RNF175: variants seen among roughly 807,000 people sequenced by gnomAD.
The protein encoded by RNF175 is ring finger protein 175.
In RNF175, 38 loss-of-function variants were observed where a neutral mutation model predicts 50.0. The observed-to-expected ratio is 0.76, with a 90% CI of 0.59 to 1.00. RNF175 has a LOEUF of 1.00. RNF175 is among the 50% of genes least tolerant of loss of function. The pLI is 0.00. For synonymous variants in RNF175, 155 were observed against 146.1 expected, an observed-to-expected ratio of 1.06 and a Z score of -0.44; for missense variants, 388 against 409.6, an observed-to-expected ratio of 0.95 and a Z score of 0.46.
intron 3 of RNF175, among the ~76,000 whole-genome samples, chr4:153,733,877 C>G (rs1282522767): frequency 7.2e-5 from 11 of 152,324 alleles, no homozygotes; most frequent in African/African-American, 2.4e-4. Context: ...ATTTTCCTCT[C>G]TTCCCCTCAA....
intron 3 of RNF175, among the ~76,000 whole-genome samples, chr4:153,729,339 G>A (rs192378680): frequency 6.6e-6 from 1 of 152,332 alleles, no homozygotes; most frequent in East Asian, 1.9e-4. Flanking sequence ...CTGGATCCTG[G>A]TTCAGTGGTA....
At position 153,748,708 on chromosome 4, in the gene RNF175, G is replaced by A. The variant is rs761510742; in HGVS notation, c.183C>T (p.Cys61=). The stretch of plus-strand genomic sequence containing the variant: ...GCACTATCTGGGCAATGACCAGAAC[G>A]CAGAGGAAGATCAAGATCATTTCCA... The part of the protein sequence containing the change: ...MHVEMILIFL[C]VLVIAQIVLV... The change falls in exon 3 of 9, where the codon TGC becomes TGT. Residue 61 remains cysteine, a synonymous_variant. Coordinates refer to ENST00000347063, the MANE Select transcript of RNF175 (RefSeq NM_173662.4). The A allele has an allele frequency of 6.2e-6, 10 of 1,608,492 alleles. No homozygotes were observed. Among genetic ancestry groups the A allele is most frequent in the Admixed American group, 5.1e-5 (3 of 59,352 alleles).
chr4:153,716,063 C>CAAAAAAAAAAAAAAAAA (rs35531787), intron 6 of RNF175, among the ~76,000 whole-genome samples: 2 of 94,190 alleles, frequency 2.1e-5, no homozygotes, highest in Non-Finnish European at 4.0e-5. Context: ...GACTCTGTCT[C>CAAAAAAAAAAAAAAAAA]AAAAAAAAAA....
intron 3 of RNF175, among the ~76,000 whole-genome samples, chr4:153,741,128 T>G (rs536876914): frequency 6.6e-6 from 1 of 152,338 alleles, no homozygotes; most frequent in South Asian, 2.1e-4. Context: ...CTTTTAGGCC[T>G]GTGTACCTGG....
At chr4:153,723,704 G>A (rs189351611) in intron 4 of RNF175, among the ~76,000 whole-genome samples, 4 of 152,052 alleles carry the variant, frequency 2.6e-5, no homozygotes, top group Non-Finnish European at 5.9e-5. Context: ...ATTTGTCTAC[G>A]TCCCTCATGT....
chr4:153,723,303 G>T, intron 5 of RNF175, 48 bp downstream of exon 5: 1 of 932,202 alleles, frequency 1.1e-6, no homozygotes, highest in Non-Finnish European at 1.7e-6. Flanking sequence ...AGGTGAGTGT[G>T]CCAAGCAAGT....
At chr4:153,728,724 A>G (rs1021225984) in intron 3 of RNF175, among the ~76,000 whole-genome samples, 2 of 152,130 alleles carry the variant, frequency 1.3e-5, no homozygotes, top group Non-Finnish European at 2.9e-5. Flanking sequence ...GCTTCCCTGC[A>G]CTCACTGAGG....
intron 3 of RNF175, among the ~76,000 whole-genome samples, chr4:153,742,719 A>T (rs1185454399): frequency 6.6e-6 from 1 of 152,092 alleles, no homozygotes; most frequent in East Asian, 1.9e-4. Flanking sequence ...GGGGATAAAA[A>T]ATAATTACCT....
intron 6 of RNF175, among the ~76,000 whole-genome samples, 183 bp from the exon 7 acceptor site, chr4:153,715,845 C>G (rs1357795670): frequency 6.6e-6 from 1 of 151,844 alleles, no homozygotes; most frequent in African/African-American, 2.4e-5. Flanking sequence ...AGGTGGATCA[C>G]AAGGTCAGGA....
chr4:153,735,748 T>A (rs1394368481), intron 3 of RNF175, among the ~76,000 whole-genome samples: 1 of 104,436 alleles, frequency 9.6e-6, no homozygotes, highest in Non-Finnish European at 2.6e-5. Context: ...AAGTATTTAT[T>A]TTTTTTGGTG....
Position 153,723,551 on chromosome 4 carries a change from C to T in RNF175, c.402-93G>A, listed in dbSNP as rs191521099. On this transcript the variant is annotated intron_variant, in intron 4 of 8. Transcript: ENST00000347063. Reference sequence around the variant, plus strand: ...ATATTATAAAATATTTTGTCTTTTTCAAAGACTTATAAATCAGTTTTTAGT... The same window carrying T: ...ATATTATAAAATATTTTGTCTTTTTTAAAGACTTATAAATCAGTTTTTAGT... 4.0e-4 allele frequency: 264 copies of T among 653,250 alleles called. 2 individuals are homozygous for T. The South Asian group carries it at 4.1e-3, about 10-fold the overall frequency. 40.5% of individuals were successfully genotyped at this position (653,250 alleles called of 1,614,324 possible).
intron 3 of RNF175, among the ~76,000 whole-genome samples, chr4:153,740,218 A>G (rs1739577521): frequency 6.6e-6 from 1 of 151,200 alleles, no homozygotes; most frequent in South Asian, 2.1e-4. Flanking sequence ...GTAAGTTTCC[A>G]CTTCTCTGAT....
At position 153,759,781 on chromosome 4, in the gene RNF175, G is replaced by T; in HGVS notation, c.66+16C>A. The T allele has an allele frequency of 6.8e-7, 1 of 1,464,842 alleles. No homozygotes were observed. Among genetic ancestry groups the T allele is most frequent in the Admixed American group, 2.4e-5 (1 of 42,410 alleles). 90.7% of individuals were successfully genotyped at this position (1,464,842 alleles called of 1,614,324 possible). A position where few individuals can be genotyped will look rare whatever the true frequency, so the allele number is the denominator to read the frequency against. On this transcript the variant is annotated intron_variant, in intron 1 of 8. Coordinates refer to ENST00000347063, the MANE Select transcript of RNF175 (RefSeq NM_173662.4). ...CCGGCCTGGCGTCCCCCACGCCCGC[G>T]CCCCCGCGCCAGTACCTGCTCCTGC...
At chr4:153,756,552 G>A (rs756678362) in intron 1 of RNF175, among the ~76,000 whole-genome samples, 1 of 152,066 alleles carries the variant, frequency 6.6e-6, no homozygotes, top group Non-Finnish European at 1.5e-5. Flanking sequence ...ACCTATAAAT[G>A]CCTCACAAAC....
intron 3 of RNF175, among the ~76,000 whole-genome samples, chr4:153,742,793 A>T (rs931701284): frequency 1.3e-5 from 2 of 150,538 alleles, no homozygotes; most frequent in Non-Finnish European, 3.0e-5. Context: ...ATAGTAATTT[A>T]TATATAGTAA....
At chr4:153,757,375 A>G (rs1313681388) in intron 1 of RNF175, among the ~76,000 whole-genome samples, 2 of 152,104 alleles carry the variant, frequency 1.3e-5, no homozygotes, top group Non-Finnish European at 2.9e-5. Context: ...GGCTTTCATT[A>G]TCTCTCACCT....
At chr4:153,754,994 A>G (rs139319507) in intron 1 of RNF175, among the ~76,000 whole-genome samples, 1 of 152,358 alleles carries the variant, frequency 6.6e-6, no homozygotes, top group Non-Finnish European at 1.5e-5. Context: ...TGAAACTTCC[A>G]TCTTCCCTGT....
intron 6 of RNF175, among the ~76,000 whole-genome samples, chr4:153,719,794 T>C (rs1408861411): frequency 6.6e-6 from 1 of 152,236 alleles, no homozygotes; most frequent in Non-Finnish European, 1.5e-5. Flanking sequence ...TCATCAACTA[T>C]AGTTTTTATT....
At chr4:153,724,545 G>A (rs2168509) in intron 4 of RNF175, among the ~76,000 whole-genome samples, 146,630 of 152,204 alleles carry the variant, frequency 0.96, 70,856 homozygotes, top group East Asian at 1. Context: ...TGCTCCAGAT[G>A]TTTAGCCCCA....
Sources: gnomAD v4.1 joint callset for allele counts (sites outside exome capture counted in the v4.1 genomes callset) on GRCh38, gnomAD v4.1.1 for gene constraint, MANE v1.5 for transcripts, NCBI Gene and HGNC (gene_info 2026-07-23, HGNC 2026-07-21) for gene names.